The following ZP2 variants were observed in gnomAD, a reference collection of about 807,000 sequenced individuals.
ZP2 encodes the protein zona pellucida glycoprotein 2.
ZP2 carries 51 observed loss-of-function variants against 84.0 expected under a neutral mutation model. That is an observed-to-expected ratio of 0.61 (90% CI 0.49 to 0.77). The LOEUF is 0.77. Ranked by LOEUF, ZP2 falls within the 30% of genes least tolerant of loss-of-function variation. The pLI is 0.00. For synonymous variants in ZP2, 375 were observed against 330.9 expected (o/e 1.13, Z -1.45); for missense variants, 909 against 911.9 (o/e 1.00, Z 0.04).
At position 21,205,335 on chromosome 16, in the gene ZP2, A is replaced by G. The variant is rs1178223705; in HGVS notation, c.693+85T>C. 72 of 1,496,952 alleles carry G rather than the reference A, an allele frequency of 4.8e-5. No homozygotes were observed. The East Asian group carries it at 1.1e-3, about 23-fold the overall frequency. The allele number at this position is 1,496,952 out of a possible 1,614,324, so 92.7% of individuals were successfully genotyped here. On this transcript the variant is annotated intron_variant, in intron 7 of 18. Transcript: ENST00000574091. ...TTAAAATGGGTTGTATTATAAATTA[A>G]TGTGAAGACATGGTTGAGATCATGC...
chr16:21,200,310 C>T (rs1444355840), intron 14 of ZP2, among the ~76,000 whole-genome samples: 1 of 152,136 alleles, frequency 6.6e-6, no homozygotes, highest in Non-Finnish European at 1.5e-5. Flanking sequence ...TGGTGGCAGG[C>T]ACCTGTAGTC....
chr16:21,199,145 A>G (rs2093213076), intron 16 of ZP2, among the ~76,000 whole-genome samples: 1 of 151,632 alleles, frequency 6.6e-6, no homozygotes, highest in Non-Finnish European at 1.5e-5. Flanking sequence ...ACATGGTGAA[A>G]CCCTGTCTCT....
At position 21,201,434 on chromosome 16, in the gene ZP2, A is replaced by G. The variant is rs1353990666; in HGVS notation, c.1629T>C (p.Asp543=). The part of the protein sequence containing the change: ...RDDPNIKLVL[D]DCWATSTMDP... ...CCATGGTGGACGTCGCCCAGCAGTC[A>G]TCTAAGACCAGCTTGATGTTGGGGT... Residue 543 remains aspartate (D), a synonymous_variant, in exon 14 of 19, where the codon GAT becomes GAC. Coordinates refer to ENST00000574091, the MANE Select transcript of ZP2 (RefSeq NM_001376232.1). 1 of 1,612,080 alleles carries G rather than the reference A, an allele frequency of 6.2e-7. No individual in the cohort carries two copies. The highest frequency in any genetic ancestry group is 1.7e-5 in the Admixed American group (1 of 59,646).
chr16:21,209,975 G>C, intron 3 of ZP2, 134 bp downstream of exon 3: 1 of 810,866 alleles, frequency 1.2e-6, no homozygotes, highest in South Asian at 1.6e-5. Flanking sequence ...TGCAAATCAG[G>C]TATCCCCATG....
chr16:21,201,317 G>A, intron 14 of ZP2, 52 bp downstream of exon 14: 1 of 1,478,074 alleles, frequency 6.8e-7, no homozygotes, highest in Non-Finnish European at 9.0e-7. Flanking sequence ...TCCCATTACT[G>A]GCAAGTTTTG....
upstream of ZP2, among the ~76,000 whole-genome samples, chr16:21,214,034 CGAGATGGT>C (rs1427884896): frequency 6.6e-6 from 1 of 151,864 alleles, no homozygotes; most frequent in African/African-American, 2.4e-5. Context: ...TCACTCCCCT[CGAGATGGT>C]GTCTTTCTCC....
At chr16:21,201,606 A>G in intron 13 of ZP2, 48 bp from the exon 14 acceptor site, 2 of 1,604,106 alleles carry the variant, frequency 1.2e-6, no homozygotes, top group African/African-American at 1.3e-5. Flanking sequence ...ACACAGATTC[A>G]TAGGTCATCA....
chr16:21,199,502 CTTCTA>C (rs1253599676), intron 16 of ZP2, 63 bp downstream of exon 16: 1 of 1,348,564 alleles, frequency 7.4e-7, no homozygotes, highest in African/African-American at 1.5e-5. Context: ...TCCTTAAGAT[CTTCTA>C]TTCTAAAAAG....
chr16:21,205,532 G>T lies in ZP2; in HGVS notation c.581C>A (p.Ala194Asp), dbSNP rs1416609638. ...WSIEVGDGAR[A>D]KTLTLPEAMK... ...GGCCTCTGGCAGGGTCAGAGTTTTG[G>T]CTCTTGCACCATCACCAACCTCAAT... Residue 194 changes from alanine to aspartate, a missense_variant, in exon 7 of 19, where the codon GCC (alanine) becomes GAC (aspartate). Ala to Asp is a moderately radical substitution (Grantham distance 126). Transcript: ENST00000574091. The T allele has an allele frequency of 1.2e-5, 19 of 1,614,010 alleles. No individual in the cohort carries two copies. The highest frequency in any genetic ancestry group is 1.5e-5 in the Non-Finnish European group (18 of 1,179,990).
intron 5 of ZP2, 32 bp from the exon 6 acceptor site, chr16:21,205,807 G>C (rs1205312020): frequency 6.2e-7 from 1 of 1,611,394 alleles, no homozygotes; most frequent in Admixed American, 1.7e-5. Context: ...GTAAGACTTT[G>C]ATTTGGAGGT....
chr16:21,211,644 G>C (rs140226530), upstream of ZP2: 709 of 1,603,938 alleles, frequency 4.4e-4, 2 homozygotes, highest in African/African-American at 7.3e-3. Context: ...CCCCATTGGG[G>C]GCACCTGAAT....
intron 9 of ZP2, among the ~76,000 whole-genome samples, chr16:21,203,609 C>T (rs1427737958): frequency 5.9e-5 from 9 of 152,176 alleles, no homozygotes; most frequent in Admixed American, 5.9e-4. Flanking sequence ...TATGTACCCC[C>T]AACCTAAGAT....
chr16:21,201,793 G>A lies in ZP2; in HGVS notation c.1417C>T (p.Leu473=). The A allele has an allele frequency of 6.2e-7, 1 of 1,614,112 alleles. No homozygotes were observed. Among genetic ancestry groups the A allele is most frequent in the South Asian group, 1.1e-5 (1 of 91,082 alleles). Reference sequence around the variant, plus strand: ...AGGCTTTCAACGTTGATGTTTAGTAGCATGTCATTCCTGCTATAAGAACAC... The same window carrying A: ...AGGCTTTCAACGTTGATGTTTAGTAACATGTCATTCCTGCTATAAGAACAC... ...VKCSYSRNDM[L]LNINVESLTP... The change falls in exon 13 of 19, where the codon CTA becomes TTA. Residue 473 remains leucine (L), a synonymous_variant. Transcript: ENST00000574091.
intron 7 of ZP2, 144 bp from the exon 8 acceptor site, chr16:21,204,548 T>G: frequency 1.5e-6 from 1 of 674,500 alleles, no homozygotes; most frequent in East Asian, 2.7e-5. Context: ...AATGACTAAT[T>G]TGTCTAATCT....
At chr16:21,203,314 G>A (rs2093234992) in intron 9 of ZP2, 63 bp from the exon 10 acceptor site, 4 of 1,599,824 alleles carry the variant, frequency 2.5e-6, no homozygotes, top group Non-Finnish European at 2.6e-6. Context: ...GTCACAGGGA[G>A]GCAGGAAGCA....
upstream of ZP2, among the ~76,000 whole-genome samples, chr16:21,211,958 C>T (rs1035089470): frequency 2.1e-5 from 3 of 145,050 alleles, no homozygotes; most frequent in Non-Finnish European, 3.0e-5. Flanking sequence ...GATTCAGTTT[C>T]ACTCTGTCAC....
At chr16:21,203,815 T>C (rs1414916633) in intron 9 of ZP2, 2 of 604,540 alleles carry the variant, frequency 3.3e-6, no homozygotes, top group South Asian at 2.0e-5. Flanking sequence ...CGATTTTTCA[T>C]GACAGAAGTT....
Position 21,205,466 on chromosome 16 carries a change from A to G in ZP2, c.647T>C (p.Met216Thr). Residue 216 changes from methionine (M) to threonine (T), a missense_variant, in exon 7 of 19, where the codon ATG becomes ACG. Transcript: ENST00000574091. ...GFSLLIDNHR[M>T]TFHVPFNATG... ...GGCATTGAATGGCACATGGAAGGTC[A>G]TCCTGTGGTTGTCAATCAAGAGGCT... 6.2e-7 allele frequency: 1 copy of G among 1,614,130 alleles called. No individual in the cohort carries two copies. Among genetic ancestry groups the G allele is most frequent in the African/African-American group, 1.3e-5 (1 of 75,042 alleles).
At chr16:21,197,892 T>C (rs1316098999) in intron 17 of ZP2, 43 bp from the exon 18 acceptor site, 1 of 1,583,624 alleles carries the variant, frequency 6.3e-7, no homozygotes, top group Non-Finnish European at 8.7e-7. Flanking sequence ...TTCATGCTAG[T>C]CGATGTGGTT....
Sources: allele counts gnomAD v4.1 joint callset (sites outside exome capture counted in the v4.1 genomes callset), GRCh38; gene constraint gnomAD v4.1.1; transcripts MANE v1.5; gene names NCBI Gene and HGNC (gene_info 2026-07-23, HGNC 2026-07-21).